Variants in MVB12B observed in about 807,000 individuals in gnomAD.
The protein encoded by MVB12B is multivesicular body subunit 12B.
MVB12B carries 16 observed loss-of-function variants against 41.6 expected under a neutral mutation model. The observed-to-expected ratio is 0.38, with a 90% CI of 0.26 to 0.58. The LOEUF (loss-of-function observed/expected upper bound fraction) is 0.58, where lower values mean the gene tolerates loss of function less well. MVB12B is among the 20% of genes least tolerant of loss of function. The pLI is 0.62. For missense variants in MVB12B, 274 were observed against 380.2 expected, an observed-to-expected ratio of 0.72 and a Z score of 2.32; for synonymous variants, 133 against 139.7, an observed-to-expected ratio of 0.95 and a Z score of 0.34.
At chr9:126,385,467 A>G (rs1830756284) in intron 3 of MVB12B, among the ~76,000 whole-genome samples, 1 of 152,208 alleles carries the variant, frequency 6.6e-6, no homozygotes, top group Admixed American at 6.5e-5. Context: ...TCCCATGTGC[A>G]GAGATGGAGG....
At chr9:126,455,282 G>T (rs1326249520) in intron 7 of MVB12B, among the ~76,000 whole-genome samples, 1 of 151,916 alleles carries the variant, frequency 6.6e-6, no homozygotes, top group East Asian at 1.9e-4. Flanking sequence ...CCGCCTCCCG[G>T]GTTCAAGTGA....
At chr9:126,342,395 T>TA (rs1564281088) in intron 2 of MVB12B, among the ~76,000 whole-genome samples, 1 of 152,182 alleles carries the variant, frequency 6.6e-6, no homozygotes, top group Non-Finnish European at 1.5e-5. Context: ...TGGCCTTTGA[T>TA]AGTTTGGTTT....
At chr9:126,434,932 C>T (rs920541593) in intron 7 of MVB12B, among the ~76,000 whole-genome samples, 4 of 152,152 alleles carry the variant, frequency 2.6e-5, no homozygotes, top group African/African-American at 9.7e-5. Flanking sequence ...ATGCCCAGCC[C>T]AGGGCCTAGC....
intron 7 of MVB12B, among the ~76,000 whole-genome samples, chr9:126,433,452 C>A (rs142785099): frequency 1.6e-3 from 244 of 150,694 alleles, no homozygotes; most frequent in African/African-American, 5.7e-3. Flanking sequence ...TTCGTGGTGG[C>A]CTTCTCTTAG....
At chr9:126,424,774 T>C (rs1307098053) in intron 7 of MVB12B, among the ~76,000 whole-genome samples, 1 of 152,250 alleles carries the variant, frequency 6.6e-6, no homozygotes, top group African/African-American at 2.4e-5. Context: ...CTCTGCTCTC[T>C]TGTACCCTAA....
chr9:126,380,135 A>G (rs989675058), intron 2 of MVB12B, among the ~76,000 whole-genome samples: 2 of 152,160 alleles, frequency 1.3e-5, no homozygotes, highest in African/African-American at 4.8e-5. Context: ...AAGGTGTGCA[A>G]GGTTGATTCA....
chr9:126,371,082 A>T (rs1830323247), intron 2 of MVB12B, among the ~76,000 whole-genome samples: 1 of 152,146 alleles, frequency 6.6e-6, no homozygotes, highest in Non-Finnish European at 1.5e-5. Flanking sequence ...CTATTGATTG[A>T]CTAGTCCCTA....
chr9:126,463,955 TG>T (rs547131502), intron 7 of MVB12B, among the ~76,000 whole-genome samples: 393 of 152,342 alleles, frequency 2.6e-3, no homozygotes, highest in African/African-American at 9.0e-3. Flanking sequence ...GATTAAATCA[TG>T]GAATCCGAGT....
chr9:126,353,572 T>C (rs774432212), intron 2 of MVB12B, among the ~76,000 whole-genome samples: 2 of 152,206 alleles, frequency 1.3e-5, no homozygotes, highest in Non-Finnish European at 2.9e-5. Flanking sequence ...TGTAATGTAT[T>C]TAACAGTGAC....
intron 9 of MVB12B, among the ~76,000 whole-genome samples, chr9:126,500,561 A>C (rs1833932555): frequency 6.6e-6 from 1 of 152,222 alleles, no homozygotes; most frequent in Admixed American, 6.5e-5. Flanking sequence ...TTTGAAATGC[A>C]GATTCTCAGG....
At chr9:126,495,191 CA>C (rs5900709) in intron 9 of MVB12B, among the ~76,000 whole-genome samples, 55,644 of 131,556 alleles carry the variant, frequency 0.42, 12,339 homozygotes, top group East Asian at 0.62. Flanking sequence ...GATCCTGTCT[CA>C]AAAAAAAAAA....
intron 6 of MVB12B, among the ~76,000 whole-genome samples, chr9:126,407,290 C>T (rs968489990): frequency 3.9e-5 from 6 of 152,120 alleles, no homozygotes; most frequent in Non-Finnish European, 5.9e-5. Context: ...CTGGGAGACA[C>T]GTCAGGGAGA....
chr9:126,342,392 T>G (rs900837503), intron 2 of MVB12B, among the ~76,000 whole-genome samples: 2 of 152,238 alleles, frequency 1.3e-5, no homozygotes, highest in Non-Finnish European at 2.9e-5. Flanking sequence ...AGATGGCCTT[T>G]GATAGTTTGG....
intron 9 of MVB12B, 53 bp downstream of exon 9, chr9:126,484,085 C>T: frequency 6.5e-7 from 1 of 1,549,550 alleles, no homozygotes; most frequent in East Asian, 2.2e-5. Context: ...CGCCTGCACA[C>T]CGGCGTCTCT....
chr9:126,428,970 G>A (rs961512597), intron 7 of MVB12B, among the ~76,000 whole-genome samples: 9 of 152,090 alleles, frequency 5.9e-5, no homozygotes, highest in African/African-American at 1.9e-4. Context: ...GAGGATTTTC[G>A]TAATCACCGA....
chr9:126,490,935 A>G (rs951110601), intron 9 of MVB12B, among the ~76,000 whole-genome samples: 10 of 152,238 alleles, frequency 6.6e-5, no homozygotes, highest in Non-Finnish European at 1.0e-4. Flanking sequence ...GGTTCCAGCA[A>G]TTAGGCATTT....
intron 6 of MVB12B, among the ~76,000 whole-genome samples, chr9:126,401,376 A>G (rs1202462737): frequency 1.3e-5 from 2 of 152,204 alleles, no homozygotes; most frequent in Non-Finnish European, 2.9e-5. Flanking sequence ...GTTCGGAAGT[A>G]TGTTTCTTAG....
intron 7 of MVB12B, among the ~76,000 whole-genome samples, chr9:126,469,051 C>T (rs1219060622): frequency 6.6e-6 from 1 of 152,238 alleles, no homozygotes; most frequent in Non-Finnish European, 1.5e-5. Context: ...TGGCTCATGC[C>T]TGTAATCCCA....
At chr9:126,414,821 G>T (rs1831763229) in intron 6 of MVB12B, among the ~76,000 whole-genome samples, 1 of 147,460 alleles carries the variant, frequency 6.8e-6, no homozygotes, top group Non-Finnish European at 1.5e-5. Flanking sequence ...GACCTCTCAG[G>T]TTTTTTTTTT....
Sources: gnomAD v4.1 joint callset for allele counts (sites outside exome capture counted in the v4.1 genomes callset) on GRCh38, gnomAD v4.1.1 for gene constraint, MANE v1.5 for transcripts, NCBI Gene and HGNC (gene_info 2026-07-23, HGNC 2026-07-21) for gene names.